Variants in HRNR observed in about 807,000 individuals in gnomAD.
HRNR encodes hornerin.
Under a neutral mutation model 4.8 loss-of-function variants are expected in HRNR, and 7 were observed. The observed-to-expected ratio is 1.47, with a 90% CI of 0.83 to 2.75. The LOEUF is 2.75. Among genes scored for constraint, HRNR ranks in the 30% most tolerant of loss-of-function variants. The pLI is 0.00. For missense variants in HRNR, 2,879 were observed against 3,010.4 expected (o/e 0.96, Z 1.02); for synonymous variants, 1,023 against 1,242.7 (o/e 0.82, Z 3.72).
chr1:152,223,124 T>C lies in HRNR; in HGVS notation c.130A>G (p.Ile44Val). 6.2e-7 allele frequency: 1 copy of C among 1,613,674 alleles called. No individual in the cohort carries two copies. The stretch of plus-strand genomic sequence containing the variant: ...TGGCGTGGAGTTCTTACCTTCAGAA[T>C]TTGATGAAACTCATTTTCCAGAAGT... ...KELLENEFHQ[I>V]LKNPNDPDTV... The change falls in exon 2 of 3, where the codon ATT becomes GTT. Residue 44 changes from isoleucine to valine, a missense_variant. By Grantham distance (29) the Ile-to-Val change is conservative. Transcript: ENST00000368801.
In HRNR at chr1:152,219,178, A is replaced by G. The variant is rs1241855899; in HGVS notation, c.2451T>C (p.Phe817=). The G allele has an allele frequency of 1.2e-6, 2 of 1,613,948 alleles. No homozygotes were observed. The highest frequency in any genetic ancestry group is 1.7e-5 in the Admixed American group (1 of 60,006). Residue 817 remains phenylalanine, a synonymous_variant, in exon 3 of 3, where the codon TTT becomes TTC. Transcript: ENST00000368801. ...YESGSGQASG[F]GQHESGSGQG... is the part of the protein sequence containing the mutation. ...GTCCTGAGCCAGACTCGTGTTGCCC[A>G]AAACCAGAAGCCTGGCCTGAGCCAG...
Position 152,223,120 on chromosome 1 carries a change from A to C in HRNR, c.134T>G (p.Leu45Arg), listed in dbSNP as rs777751837. 82 of 1,613,566 alleles carry C rather than the reference A, an allele frequency of 5.1e-5. No individual in the cohort carries two copies. The highest frequency in any genetic ancestry group is 6.3e-5 in the Non-Finnish European group (74 of 1,179,776). ...ATCCTGGCGTGGAGTTCTTACCTTC[A>C]GAATTTGATGAAACTCATTTTCCAG... ...ELLENEFHQI[L>R]KNPNDPDTVD... is the part of the protein sequence containing the mutation. The change falls in exon 2 of 3, where the codon CTG becomes CGG. Residue 45 changes from leucine to arginine, a missense_variant. Physicochemically the swap from Leu to Arg is moderately radical, Grantham distance 102. This residue lies in a region of HRNR where 2,646 missense variants were observed against 1,377.7 expected (regional missense o/e 1.92). Transcript: ENST00000368801.
chr1:152,222,535 G>A (rs902892983), intron 2 of HRNR, among the ~76,000 whole-genome samples: 1 of 152,154 alleles, frequency 6.6e-6, no homozygotes, highest in Non-Finnish European at 1.5e-5. Flanking sequence ...TGCTGAGAGA[G>A]AGACAATAAA....
At chr1:152,223,093 C>G (rs547801168) in intron 2 of HRNR, 23 bp downstream of exon 2, 1 of 1,610,996 alleles carries the variant, frequency 6.2e-7, no homozygotes, top group African/African-American at 1.3e-5. Context: ...CTGCATAACT[C>G]CATCCTGGCG....
Position 152,221,035 on chromosome 1 carries a change from C to T in HRNR, c.594G>A (p.Gly198=), listed in dbSNP as rs1212140597. The T allele has an allele frequency of 1.2e-6, 2 of 1,613,246 alleles. No individual in the cohort carries two copies. The highest frequency in any genetic ancestry group is 1.7e-5 in the Admixed American group (1 of 59,944). ...QSSGRGQCGS[G]SGQSPNYGQH... is the part of the protein sequence containing the mutation. ...GGCCATAGTTGGGAGACTGCCCTGACCCAGACCCACATTGGCCGCGGCCTG... is the reference window on the plus strand; with the variant it reads ...GGCCATAGTTGGGAGACTGCCCTGATCCAGACCCACATTGGCCGCGGCCTG... Residue 198 remains glycine, a synonymous_variant, in exon 3 of 3, where the codon GGG becomes GGA. Transcript: ENST00000368801.
Position 152,218,982 on chromosome 1 carries a change from G to A in HRNR, c.2647C>T (p.His883Tyr), listed in dbSNP as rs894369631. 6.2e-7 allele frequency: 1 copy of A among 1,608,772 alleles called. No individual in the cohort carries two copies. Among genetic ancestry groups the A allele is most frequent in the African/African-American group, 1.3e-5 (1 of 75,032 alleles). ...GGAGACTGGCCAGATCCAGAGCCAT[G>A]TCGGCCGCGGCCCGAAGCGTGATGG... The part of the protein sequence containing the change: ...ASHHASGRGR[H>Y]GSGSGQSPGH... The change falls in exon 3 of 3, where the codon CAT (histidine) becomes TAT (tyrosine). Residue 883 changes from histidine (H) to tyrosine (Y), a missense_variant. This residue lies in a region of HRNR where 2,646 missense variants were observed against 1,377.7 expected (regional missense o/e 1.92). Coordinates refer to ENST00000368801, the MANE Select transcript of HRNR (RefSeq NM_001009931.3).
At position 152,212,947 on chromosome 1, in the gene HRNR, G is replaced by C. The variant is rs1329486199; in HGVS notation, c.*129C>G. On this transcript the variant is annotated 3_prime_UTR_variant, in exon 3 of 3. Coordinates refer to ENST00000368801, the MANE Select transcript of HRNR (RefSeq NM_001009931.3). The stretch of plus-strand genomic sequence containing the variant: ...TACAGTTTTAGGCTCTAAAGAAAGA[G>C]ACAGAAATGCATTGATTCACTTTTA... The C allele has an allele frequency of 2.4e-6, 3 of 1,268,042 alleles. No homozygotes were observed. The highest frequency in any genetic ancestry group is 1.5e-5 in the African/African-American group (1 of 66,278). The allele number at this position is 1,268,042 out of a possible 1,614,324, so 78.5% of individuals were successfully genotyped here. A position where few individuals can be genotyped will look rare whatever the true frequency, so the allele number is the denominator to read the frequency against.
Position 152,212,889 on chromosome 1 carries a change from T to C in HRNR, c.*187A>G, listed in dbSNP as rs1262173504. 1.3e-6 allele frequency: 1 copy of C among 756,072 alleles called. No individual in the cohort carries two copies. Among genetic ancestry groups the C allele is most frequent in the Non-Finnish European group, 2.1e-6 (1 of 480,884 alleles). The allele number at this position is 756,072 out of a possible 1,614,324, so 46.8% of individuals were successfully genotyped here. ...ACAAAGTAGCACAAATGCCTAACAG[T>C]CTTTGGAAGGAACCCCATAACAAGA... On this transcript the variant is annotated 3_prime_UTR_variant, in exon 3 of 3. Coordinates refer to ENST00000368801, the MANE Select transcript of HRNR (RefSeq NM_001009931.3).
Position 152,221,047 on chromosome 1 carries a change from T to C in HRNR, c.582A>G (p.Gln194=), listed in dbSNP as rs145273263. ...SDSHQSSGRG[Q]CGSGSGQSPN... Reference sequence around the variant, plus strand: ...GAGACTGCCCTGACCCAGACCCACATTGGCCGCGGCCTGAAGACTGATGGG... The same window carrying C: ...GAGACTGCCCTGACCCAGACCCACACTGGCCGCGGCCTGAAGACTGATGGG... Residue 194 remains glutamine (Q), a synonymous_variant, in exon 3 of 3, where the codon CAA becomes CAG. Transcript: ENST00000368801. 1.2e-4 allele frequency: 190 copies of C among 1,613,362 alleles called. No individual in the cohort carries two copies. The African/African-American group carries it at 2.0e-3, about 17-fold the overall frequency.
At position 152,219,935 on chromosome 1, in the gene HRNR, G is replaced by C. The variant is rs1450932616; in HGVS notation, c.1694C>G (p.Ser565Ter). Reference protein sequence around the residue: ...SSSYGPHGYGSGRSSSRGPYE... With the variant: ...SSSYGPHGYG ...TGGGCCACGGCTTGAAGACCTCCCT[G>C]AGCCATACCCATGTGGGCCATAGCT... The change falls in exon 3 of 3, where the codon TCA becomes TGA. Residue 565 changes from serine (S) to a stop codon, truncating the protein, a stop_gained. Transcript: ENST00000368801. LOFTEE classifies it low-confidence loss of function (END_TRUNC). 1.9e-6 allele frequency: 3 copies of C among 1,612,780 alleles called. No homozygotes were observed. The highest frequency in any genetic ancestry group is 3.3e-5 in the Admixed American group (2 of 59,910).
At position 152,219,479 on chromosome 1, in the gene HRNR, C is replaced by G. The variant is rs764685508; in HGVS notation, c.2150G>C (p.Gly717Ala). Residue 717 changes from glycine (G) to alanine (A), a missense_variant, in exon 3 of 3, where the codon GGA becomes GCA. Around this residue, in one of 8 missense-constraint regions of HRNR, gnomAD observed 2,646 missense variants for 1,377.7 expected, o/e 1.92. Coordinates refer to ENST00000368801, the MANE Select transcript of HRNR (RefSeq NM_001009931.3). ...GCCGGAGGAGTGACTTGAGCCAGATCCATGCTGACTGTAACCAGAGGACTG... is the reference window on the plus strand; with the variant it reads ...GCCGGAGGAGTGACTTGAGCCAGATGCATGCTGACTGTAACCAGAGGACTG... ...SGQSSGYSQHGSGSSHSSGYR... is the reference protein window; with the variant it reads ...SGQSSGYSQHASGSSHSSGYR... 7 of 1,613,788 alleles carry G rather than the reference C, an allele frequency of 4.3e-6. No homozygotes were observed. The highest frequency in any genetic ancestry group is 2.2e-5 in the East Asian group (1 of 44,812).
At chr1:152,222,438 C>G (rs1649030411) in intron 2 of HRNR, among the ~76,000 whole-genome samples, 1 of 151,988 alleles carries the variant, frequency 6.6e-6, no homozygotes, top group Non-Finnish European at 1.5e-5. Context: ...TGGCCTGAAC[C>G]AGAGGACTAA....
rs1205056251 is a variant in HRNR, at chr1:152,219,303, G to A, written c.2326C>T (p.Pro776Ser). The change falls in exon 3 of 3, where the codon CCT becomes TCT. Residue 776 changes from proline (P) to serine (S), a missense_variant. Transcript: ENST00000368801. ...CTGGACCCATGTCGGACACGGCTAG[G>A]AGAGTGGCCAGATCCAGACCCTTGT... Reference protein sequence around the residue: ...GRQGSGSGHSPSRVRHGSSSG... With the variant: ...GRQGSGSGHSSSRVRHGSSSG... 3.1e-6 allele frequency: 5 copies of A among 1,613,520 alleles called. No homozygotes were observed. The highest frequency in any genetic ancestry group is 3.4e-6 in the Non-Finnish European group (4 of 1,179,908).
rs112655010 is a variant in HRNR at position 152,220,858 on chromosome 1, G to A, written c.771C>T (p.Tyr257=). The A allele has an allele frequency of 8.6e-5, 139 of 1,612,640 alleles. No individual in the cohort carries two copies. The East Asian group carries it at 1.0e-3, about 12-fold the overall frequency. Residue 257 remains tyrosine, a synonymous_variant, in exon 3 of 3, where the codon TAC becomes TAT. Coordinates refer to ENST00000368801, the MANE Select transcript of HRNR (RefSeq NM_001009931.3). ...HGSGSGHSSG[Y]GQHGSRSGQS... is the part of the protein sequence containing the mutation. ...GTCCTGACCTAGAGCCGTGTTGTCCGTAGCCAGAGGAGTGACCTGAGCCAG... is the reference window on the plus strand; with the variant it reads ...GTCCTGACCTAGAGCCGTGTTGTCCATAGCCAGAGGAGTGACCTGAGCCAG...
chr1:152,213,258 C>A lies in HRNR; in HGVS notation c.8371G>T (p.Gly2791Cys). 1 of 1,605,770 alleles carries A rather than the reference C, an allele frequency of 6.2e-7. No individual in the cohort carries two copies. Among genetic ancestry groups the A allele is most frequent in the Non-Finnish European group, 8.5e-7 (1 of 1,174,632 alleles). The change falls in exon 3 of 3, where the codon GGC becomes TGC. Residue 2791 changes from glycine to cysteine, a missense_variant. By Grantham distance (159) the Gly-to-Cys change is radical (BLOSUM62 -3). Transcript: ENST00000368801. The stretch of plus-strand genomic sequence containing the variant: ...CTATAACCAGAGGACTGTCCTGAGC[C>A]AGACCCATGTTGGCCGTAGCTGGAA... Reference protein sequence around the residue: ...QSSSYGQHGSGSGQSSGYSQH... With the variant: ...QSSSYGQHGSCSGQSSGYSQH...
Position 152,223,186 on chromosome 1 carries a change from C to G in HRNR, c.68G>C (p.Gly23Ala), listed in dbSNP as rs758878480. The G allele has an allele frequency of 3.7e-6, 6 of 1,613,782 alleles. No individual in the cohort carries two copies. The South Asian group carries it at 6.6e-5, about 18-fold the overall frequency. Residue 23 changes from glycine to alanine, a missense_variant, in exon 2 of 3, where the codon GGG (glycine) becomes GCG (alanine). This residue lies in a region of HRNR where 2,646 missense variants were observed against 1,377.7 expected (regional missense o/e 1.92). Coordinates refer to ENST00000368801, the MANE Select transcript of HRNR (RefSeq NM_001009931.3). ...DVFYQYATQH[G>A]EYDTLNKAEL... ...TGCCTTGTTCAACGTATCATACTCCCCATGCTGGGTGGCATATTGGTAGAA... is the reference window on the plus strand; with the variant it reads ...TGCCTTGTTCAACGTATCATACTCCGCATGCTGGGTGGCATATTGGTAGAA...
chr1:152,219,106 C>G lies in HRNR; in HGVS notation c.2523G>C (p.Gln841His). The change falls in exon 3 of 3, where the codon CAG becomes CAC. Residue 841 changes from glutamine to histidine, a missense_variant. Physicochemically the swap from Gln to His is conservative, Grantham distance 24. This residue lies in a region of HRNR where 2,646 missense variants were observed against 1,377.7 expected (regional missense o/e 1.92). Transcript: ENST00000368801. ...HGSASGHFSS[Q>H]GRHGSTSGQS... ...GCCCTGACGTAGATCCATGTCGTCC[C>G]TGGCTAGAGAAGTGACCTGAGGCAG... The G allele has an allele frequency of 1.2e-6, 2 of 1,613,522 alleles. No homozygotes were observed. Among genetic ancestry groups the G allele is most frequent in the African/African-American group, 1.3e-5 (1 of 74,790 alleles).
In HRNR at chr1:152,219,864, A is replaced by G. The variant is rs147424771; in HGVS notation, c.1765T>C (p.Ser589Pro). 2.4e-4 allele frequency: 386 copies of G among 1,612,886 alleles called. No individual in the cohort carries two copies. Among genetic ancestry groups the G allele is most frequent in the Non-Finnish European group, 2.7e-4 (317 of 1,179,842 alleles). ...TAGCCAGAGGACTGTCCTGAGCGAG[A>G]CTCTTGGTGACCTAAGCCAGAAGAG... is the stretch of plus-strand genomic sequence containing the variant. ...GHSSGLGHQESRSGQSSGYGQ... is the reference protein window; with the variant it reads ...GHSSGLGHQEPRSGQSSGYGQ... Residue 589 changes from serine to proline, a missense_variant, in exon 3 of 3, where the codon TCT becomes CCT. Ser to Pro is a moderately conservative substitution (Grantham distance 74). Around this residue, in one of 8 missense-constraint regions of HRNR, gnomAD observed 2,646 missense variants for 1,377.7 expected, o/e 1.92. Transcript: ENST00000368801.
Position 152,220,509 on chromosome 1 carries a change from G to C in HRNR, c.1120C>G (p.Gln374Glu). Reference protein sequence around the residue: ...HGSGSGHSSSQGQHGSTSGQA... With the variant: ...HGSGSGHSSSEGQHGSTSGQA... ...CCTGACGTAGATCCATGTTGTCCCT[G>C]GCTAGAGGAGTGACCTGAGCCAGAA... Residue 374 changes from glutamine (Q) to glutamate (E), a missense_variant, in exon 3 of 3, where the codon CAG becomes GAG. Coordinates refer to ENST00000368801, the MANE Select transcript of HRNR (RefSeq NM_001009931.3). 6.2e-7 allele frequency: 1 copy of C among 1,612,250 alleles called. No individual in the cohort carries two copies. The highest frequency in any genetic ancestry group is 8.5e-7 in the Non-Finnish European group (1 of 1,178,918).
Sources: allele counts gnomAD v4.1 joint callset (sites outside exome capture counted in the v4.1 genomes callset), GRCh38; gene constraint gnomAD v4.1.1; regional missense constraint gnomAD v4.1.1; transcripts MANE v1.5; gene names NCBI Gene and HGNC (gene_info 2026-07-23, HGNC 2026-07-21).